Variants in LIPH observed in about 807,000 individuals in gnomAD.
LIPH encodes the protein lipase member H.
A neutral mutation model predicts 47.6 loss-of-function variants in LIPH; 32 were observed. The ratio of observed to expected loss-of-function variants is 0.67; its 90% CI spans 0.51 to 0.90. The LOEUF is 0.90. Ranked by LOEUF, LIPH falls within the 40% of genes least tolerant of loss-of-function variation. The probability of loss-of-function intolerance (pLI) is 0.00; values close to 1 mark genes in which losing one functional copy is unlikely to be tolerated. For synonymous variants in LIPH, 190 were observed against 195.6 expected (o/e 0.97, Z 0.24); for missense variants, 497 against 541.4 (o/e 0.92, Z 0.81).
intron 3 of LIPH, among the ~76,000 whole-genome samples, chr3:185,530,211 G>T (rs1203229408): frequency 6.6e-6 from 1 of 152,016 alleles, no homozygotes; most frequent in East Asian, 1.9e-4. Flanking sequence ...GGGCACAGTG[G>T]CTCATGCCTG....
intron 8 of LIPH, among the ~76,000 whole-genome samples, chr3:185,513,212 C>T (rs1365767680): frequency 3.3e-5 from 5 of 151,894 alleles, no homozygotes; most frequent in African/African-American, 1.2e-4. Context: ...TGGTGGCTCA[C>T]GCTTGTAGTC....
chr3:185,536,786 C>T (rs1254437480), intron 1 of LIPH, among the ~76,000 whole-genome samples: 2 of 152,130 alleles, frequency 1.3e-5, no homozygotes, highest in Non-Finnish European at 2.9e-5. Context: ...TTTATCGTTA[C>T]TTAACAATTA....
At chr3:185,552,301 C>G (rs1197569007) in intron 1 of LIPH, 122 bp downstream of exon 1, 1 of 611,918 alleles carries the variant, frequency 1.6e-6, no homozygotes, top group East Asian at 3.0e-5. Context: ...ATATCTTTTT[C>G]CTTAAAAACG....
intron 1 of LIPH, among the ~76,000 whole-genome samples, chr3:185,537,176 T>C (rs901729748): frequency 6.6e-6 from 1 of 152,178 alleles, no homozygotes; most frequent in Non-Finnish European, 1.5e-5. Flanking sequence ...TGAGCCATCG[T>C]GCCCAGCCAA....
At chr3:185,522,650 A>AAAAGAAAGAAAGAAAG (rs59353669) in intron 5 of LIPH, among the ~76,000 whole-genome samples, 62 of 141,996 alleles carry the variant, frequency 4.4e-4, no homozygotes, top group African/African-American at 1.5e-3. Context: ...GAGAGAAAGA[A>AAAAGAAAGAAAGAAAG]AAAGAAAGAA....
intron 3 of LIPH, among the ~76,000 whole-genome samples, chr3:185,528,348 A>AAGAAAGAAAGAAAG (rs1473858539): frequency 1.3e-5 from 2 of 151,874 alleles, no homozygotes; most frequent in Non-Finnish European, 2.9e-5. Flanking sequence ...GAAAGAAAGA[A>AAGAAAGAAAGAAAG]AGAAAGAAAG....
chr3:185,527,126 A>T (rs1719648), intron 4 of LIPH, among the ~76,000 whole-genome samples: 1 of 152,126 alleles, frequency 6.6e-6, no homozygotes, highest in Non-Finnish European at 1.5e-5. Context: ...ATAATCCCAG[A>T]TACTCGGGAG....
At chr3:185,545,450 T>C (rs568531968) in intron 1 of LIPH, among the ~76,000 whole-genome samples, 1 of 152,362 alleles carries the variant, frequency 6.6e-6, no homozygotes, top group East Asian at 1.9e-4. Flanking sequence ...AACCTGGTCA[T>C]GCCCATTTAT....
Position 185,511,575 on chromosome 3 carries a change from T to A in LIPH, c.1217A>T (p.Tyr406Phe). ...FSTGSLIGPR[Y>F]KLRILRMKLR... ...CTTCATTCGGAGAATCCTGAGCTTG[T>A]ACCTTGGGCCTATTAGAGATCCTGT... Residue 406 changes from tyrosine (Y) to phenylalanine (F), a missense_variant, in exon 9 of 10, where the codon TAC becomes TTC. Coordinates refer to ENST00000296252, the MANE Select transcript of LIPH (RefSeq NM_139248.3). The A allele has an allele frequency of 6.2e-7, 1 of 1,614,158 alleles. No homozygotes were observed. The highest frequency in any genetic ancestry group is 8.5e-7 in the Non-Finnish European group (1 of 1,180,002).
At chr3:185,533,826 A>G in intron 2 of LIPH, 147 bp from the exon 3 acceptor site, 1 of 635,752 alleles carries the variant, frequency 1.6e-6, no homozygotes, top group South Asian at 1.9e-5. Flanking sequence ...ATCCATGCAA[A>G]GTAAATACTA....
rs139663374 is a variant in LIPH at position 185,518,366 on chromosome 3, G to A, written c.886+776C>T. On this transcript the variant is annotated intron_variant, in intron 6 of 9. Coordinates refer to ENST00000296252, the MANE Select transcript of LIPH (RefSeq NM_139248.3). ...GCGGTCTCAGCTCACTGTATCCTCC[G>A]TCTCCCAGGTTCAAGTGATTCTCCT... 2.0e-3 allele frequency among the ~76,000 whole-genome samples: 308 copies of A among 151,740 alleles called. 1 individual carries two copies. The highest frequency in any genetic ancestry group is 6.8e-3 in the African/African-American group (281 of 41,374).
rs1720146798 is a variant in LIPH, at chr3:185,527,519, G to A, written c.593C>T (p.Ala198Val). Residue 198 changes from alanine (A) to valine (V), a missense_variant, in exon 4 of 10, where the codon GCG (alanine) becomes GTG (valine). Coordinates refer to ENST00000296252, the MANE Select transcript of LIPH (RefSeq NM_139248.3). Reference protein sequence around the residue: ...PHQDRLDPSDAQFVDVIHSDT... With the variant: ...PHQDRLDPSDVQFVDVIHSDT... The stretch of plus-strand genomic sequence containing the variant: ...GGAATGGATGACATCAACAAACTGC[G>A]CATCACTGGGATCTAATCTGTCTTG... The A allele has an allele frequency of 4.3e-6, 7 of 1,612,766 alleles. No individual in the cohort carries two copies. Among genetic ancestry groups the A allele is most frequent in the East Asian group, 2.2e-5 (1 of 44,822 alleles).
rs1000183663 is a variant in LIPH, at chr3:185,508,514, C to G, written c.*276G>C. 5 of 437,110 alleles carry G rather than the reference C, an allele frequency of 1.1e-5. No individual in the cohort carries two copies. The highest frequency in any genetic ancestry group is 2.0e-5 in the African/African-American group (1 of 50,288). 27.1% of individuals were successfully genotyped at this position (437,110 alleles called of 1,614,324 possible). On this transcript the variant is annotated 3_prime_UTR_variant, in exon 10 of 10. Transcript: ENST00000296252. ...GTGACAGGCAGCAGAATTGACAGGT[C>G]GGAACAAGGGAGGCCCCAGGACACA...
intron 2 of LIPH, among the ~76,000 whole-genome samples, chr3:185,534,227 G>A (rs1460713732): frequency 6.6e-6 from 1 of 152,102 alleles, no homozygotes; most frequent in Admixed American, 6.6e-5. Flanking sequence ...ATGGTGGCGT[G>A]TACCTGTAGT....
Position 185,517,064 on chromosome 3 carries a change from C to T in LIPH, c.982+3G>A. 1 of 1,595,258 alleles carries T rather than the reference C, an allele frequency of 6.3e-7. No individual in the cohort carries two copies. The highest frequency in any genetic ancestry group is 8.6e-7 in the Non-Finnish European group (1 of 1,162,842). On this transcript the variant is annotated splice_donor_region_variant and intron_variant, in intron 7 of 9. Coordinates refer to ENST00000296252, the MANE Select transcript of LIPH (RefSeq NM_139248.3). ...AAAGCCAACAACCACATTCACCACT[C>T]ACTGCAGAATGGGCTCTCCTCAGCT...
In LIPH at chr3:185,527,352, T is replaced by C. The variant is rs973356018; in HGVS notation, c.628+132A>G. 40 of 762,846 alleles carry C rather than the reference T, an allele frequency of 5.2e-5. No individual in the cohort carries two copies. In the African/African-American group the frequency reaches 6.7e-4, roughly 13 times the overall value. 47.3% of individuals were successfully genotyped at this position (762,846 alleles called of 1,614,324 possible). On this transcript the variant is annotated intron_variant, in intron 4 of 9. Coordinates refer to ENST00000296252, the MANE Select transcript of LIPH (RefSeq NM_139248.3). The stretch of plus-strand genomic sequence containing the variant: ...AGCTTCCCTTCAATATTTCGGTGGA[T>C]TTGGAACCCTGCCTGGAAAAAAAAG...
At chr3:185,518,080 A>T (rs999298203) in intron 6 of LIPH, among the ~76,000 whole-genome samples, 1 of 152,128 alleles carries the variant, frequency 6.6e-6, no homozygotes, top group African/African-American at 2.4e-5. Context: ...ACCCTCTCCC[A>T]GCAGAGAGGT....
Position 185,524,122 on chromosome 3 carries a change from A to G in LIPH, c.667T>C (p.Tyr223His), listed in dbSNP as rs371437625. ...YKEPLGNIDFYPNGGLDQPGC... is the reference protein window; with the variant it reads ...YKEPLGNIDFHPNGGLDQPGC... ...GGTTGATCCAATCCTCCATTTGGGT[A>G]GAAGTCTATGTTTCCTAATGGCTCC... The change falls in exon 5 of 10, where the codon TAC (tyrosine) becomes CAC (histidine). Residue 223 changes from tyrosine to histidine, a missense_variant. Tyr to His is a moderately conservative substitution (Grantham distance 83, BLOSUM62 2). Transcript: ENST00000296252. 47 of 1,613,652 alleles carry G rather than the reference A, an allele frequency of 2.9e-5. No homozygotes were observed. The African/African-American group carries it at 5.1e-4, about 17-fold the overall frequency.
rs1367123117 is a variant in LIPH, at chr3:185,508,333, G to A, written c.*457C>T. 1.1e-5 allele frequency: 2 copies of A among 180,216 alleles called. No homozygotes were observed. The highest frequency in any genetic ancestry group is 2.6e-4 in the East Asian group (2 of 7,734). 11.2% of individuals were successfully genotyped at this position (180,216 alleles called of 1,614,324 possible). A position where few individuals can be genotyped will look rare whatever the true frequency, so the allele number is the denominator to read the frequency against. ...TTTTGCCTCCCAAACCCACACAGCA[G>A]CCCCATGAGGTAGACGTCAGTTTCG... On this transcript the variant is annotated 3_prime_UTR_variant, in exon 10 of 10. Coordinates refer to ENST00000296252, the MANE Select transcript of LIPH (RefSeq NM_139248.3).
Sources: allele counts gnomAD v4.1 joint callset (sites outside exome capture counted in the v4.1 genomes callset), GRCh38; gene constraint gnomAD v4.1.1; transcripts MANE v1.5; gene names NCBI Gene and HGNC (gene_info 2026-07-23, HGNC 2026-07-21).